The following KIAA0825 variants were observed in gnomAD, a reference collection of about 807,000 sequenced individuals.
KIAA0825 encodes KIAA0825.
KIAA0825 carries 119 observed loss-of-function variants against 147.6 expected under a neutral mutation model. The ratio of observed to expected loss-of-function variants is 0.81; its 90% CI spans 0.69 to 0.94. KIAA0825 has a LOEUF of 0.94. KIAA0825 is among the 40% of genes least tolerant of loss of function. The pLI, the probability that KIAA0825 is intolerant of heterozygous loss-of-function variation, is 0.00. For missense variants in KIAA0825, 1,381 were observed against 1,472.7 expected (o/e 0.94, Z 1.02); for synonymous variants, 470 against 518.1 (o/e 0.91, Z 1.26).
At chr5:94,419,036 C>A (rs1204074567) in intron 14 of KIAA0825, among the ~76,000 whole-genome samples, 1 of 152,054 alleles carries the variant, frequency 6.6e-6, no homozygotes, top group Non-Finnish European at 1.5e-5. Context: ...CCACACCCAG[C>A]TAATTCTTTT....
At chr5:94,459,292 A>C (rs1759520190) in intron 12 of KIAA0825, among the ~76,000 whole-genome samples, 1 of 152,098 alleles carries the variant, frequency 6.6e-6, no homozygotes, top group Non-Finnish European at 1.5e-5. Context: ...TTTTGTATGG[A>C]CATAACATTT....
intron 20 of KIAA0825, among the ~76,000 whole-genome samples, chr5:94,176,369 C>G (rs1007430664): frequency 1.3e-5 from 2 of 152,142 alleles, no homozygotes; most frequent in African/African-American, 4.8e-5. Flanking sequence ...AACCTTCTAG[C>G]AAGAAGAATT....
chr5:94,265,298 G>A (rs1350898762), intron 20 of KIAA0825, among the ~76,000 whole-genome samples: 1 of 152,154 alleles, frequency 6.6e-6, no homozygotes, highest in African/African-American at 2.4e-5. Context: ...AGTGAGGTTT[G>A]TGGACTGTTG....
At chr5:94,492,715 T>C (rs1763881504) in intron 5 of KIAA0825, among the ~76,000 whole-genome samples, 1 of 152,238 alleles carries the variant, frequency 6.6e-6, no homozygotes, top group Non-Finnish European at 1.5e-5. Flanking sequence ...ATTGTAAACA[T>C]GCTTCTTTTA....
At chr5:94,241,178 C>T (rs1775324646) in intron 20 of KIAA0825, among the ~76,000 whole-genome samples, 1 of 152,140 alleles carries the variant, frequency 6.6e-6, no homozygotes, top group Admixed American at 6.5e-5. Context: ...CCTGGCTGTT[C>T]AAAGTACATA....
At chr5:94,316,688 C>T (rs1156520890) in intron 20 of KIAA0825, among the ~76,000 whole-genome samples, 1 of 151,738 alleles carries the variant, frequency 6.6e-6, no homozygotes, top group Non-Finnish European at 1.5e-5. Flanking sequence ...GATGTATCTT[C>T]CTCCGTCAGG....
At chr5:94,345,745 C>T (rs944449434) in intron 20 of KIAA0825, among the ~76,000 whole-genome samples, 1 of 151,966 alleles carries the variant, frequency 6.6e-6, no homozygotes, top group South Asian at 2.1e-4. Flanking sequence ...GCAGACAAAA[C>T]CCCTCAGACA....
intron 20 of KIAA0825, among the ~76,000 whole-genome samples, chr5:94,319,598 A>G (rs139155114): frequency 6.6e-6 from 1 of 152,032 alleles, no homozygotes; most frequent in African/African-American, 2.4e-5. Flanking sequence ...CCTGGGAGAC[A>G]TCCTTGATTT....
At chr5:94,398,862 C>A (rs951530656) in intron 16 of KIAA0825, among the ~76,000 whole-genome samples, 5 of 152,048 alleles carry the variant, frequency 3.3e-5, no homozygotes, top group African/African-American at 1.2e-4. Flanking sequence ...AATAACAGAA[C>A]AATGTGAACA....
At chr5:94,433,128 G>A (rs1422580036) in intron 14 of KIAA0825, among the ~76,000 whole-genome samples, 1 of 152,102 alleles carries the variant, frequency 6.6e-6, no homozygotes, top group Non-Finnish European at 1.5e-5. Context: ...CCACCTTCCG[G>A]GTTGACATCC....
chr5:94,286,491 A>C (rs993311020), intron 20 of KIAA0825, among the ~76,000 whole-genome samples: 2 of 152,096 alleles, frequency 1.3e-5, no homozygotes, highest in Non-Finnish European at 2.9e-5. Context: ...TATATCCTTT[A>C]GTACCAGCCA....
intron 2 of KIAA0825, among the ~76,000 whole-genome samples, chr5:94,566,921 T>C (rs1561325842): frequency 6.6e-6 from 1 of 152,224 alleles, no homozygotes; most frequent in Non-Finnish European, 1.5e-5. Context: ...TTGCATTTCT[T>C]TGACCAAAAA....
chr5:94,431,675 AAAC>A (rs1284195172), intron 14 of KIAA0825, among the ~76,000 whole-genome samples: 10 of 152,348 alleles, frequency 6.6e-5, no homozygotes, highest in African/African-American at 2.4e-4. Context: ...AAATAAATAA[AAAC>A]AACATTTCAA....
chr5:94,243,156 A>T (rs900425730), intron 20 of KIAA0825, among the ~76,000 whole-genome samples: 2 of 152,186 alleles, frequency 1.3e-5, no homozygotes, highest in African/African-American at 4.8e-5. Context: ...AATGCATGTA[A>T]AACACTTAGA....
intron 20 of KIAA0825, among the ~76,000 whole-genome samples, chr5:94,215,393 A>T (rs964449478): frequency 3.9e-5 from 6 of 152,206 alleles, no homozygotes; most frequent in Admixed American, 3.9e-4. Context: ...AATGGGTGGG[A>T]ATGGAGAAAA....
chr5:94,440,723 AC>A (rs973017449), intron 13 of KIAA0825, among the ~76,000 whole-genome samples: 1 of 152,064 alleles, frequency 6.6e-6, no homozygotes, highest in African/African-American at 2.4e-5. Flanking sequence ...CGAGGCAAAT[AC>A]GCTTCTGCTT....
chr5:94,162,023 A>T (rs1187225776), intron 20 of KIAA0825, among the ~76,000 whole-genome samples: 1 of 152,198 alleles, frequency 6.6e-6, no homozygotes, highest in Non-Finnish European at 1.5e-5. Flanking sequence ...AGCATTGGAA[A>T]GTGTAGGAAG....
intron 20 of KIAA0825, among the ~76,000 whole-genome samples, chr5:94,215,456 G>A (rs1280169467): frequency 6.6e-6 from 1 of 152,040 alleles, no homozygotes; most frequent in East Asian, 1.9e-4. Flanking sequence ...GAGTTGTGAA[G>A]AGTTAAAAAT....
intron 2 of KIAA0825, among the ~76,000 whole-genome samples, chr5:94,579,779 A>T (rs555152977): frequency 6.6e-6 from 1 of 152,312 alleles, no homozygotes; most frequent in East Asian, 1.9e-4. Context: ...AGTTTAAAAA[A>T]TTTTATTTCA....
Sources: gnomAD v4.1 joint callset for allele counts (sites outside exome capture counted in the v4.1 genomes callset) on GRCh38, gnomAD v4.1.1 for gene constraint, MANE v1.5 for transcripts, NCBI Gene and HGNC (gene_info 2026-07-23, HGNC 2026-07-21) for gene names.